Variants in LGR4 observed in about 807,000 individuals in gnomAD.
LGR4 encodes the protein leucine rich repeat containing G protein-coupled receptor 4, also known as leucine-rich repeat-containing G protein-coupled receptor 4.
Under a neutral mutation model 84.8 loss-of-function variants are expected in LGR4, and 44 were observed. That is an observed-to-expected ratio of 0.52 (90% CI 0.41 to 0.67). LGR4 has a LOEUF of 0.67. LGR4 is among the 30% of genes least tolerant of loss of function. The pLI is 0.00. For missense variants in LGR4, 1,032 were observed against 1,131.4 expected (o/e 0.91, Z 1.26); for synonymous variants, 429 against 434.3 (o/e 0.99, Z 0.15).
chr11:27,381,742 C>G (rs1716884516), intron 7 of LGR4, among the ~76,000 whole-genome samples: 1 of 152,070 alleles, frequency 6.6e-6, no homozygotes, highest in Admixed American at 6.6e-5. Flanking sequence ...CTCCCTCATT[C>G]CTGTGTTTAA....
chr11:27,450,904 C>A (rs888613714), intron 1 of LGR4, among the ~76,000 whole-genome samples: 1 of 152,280 alleles, frequency 6.6e-6, no homozygotes, highest in East Asian at 1.9e-4. Flanking sequence ...TCTTCATAAA[C>A]CTTTCAATTT....
chr11:27,385,736 T>C lies in LGR4; in HGVS notation c.402-268A>G, dbSNP rs142370718. Among the ~76,000 whole-genome samples the C allele has an allele frequency of 2.1e-4, 32 of 151,666 alleles. No individual in the cohort carries two copies. In the East Asian group the frequency reaches 3.5e-3, roughly 17 times the overall value. On this transcript the variant is annotated intron_variant, in intron 4 of 17. Coordinates refer to ENST00000379214, the MANE Select transcript of LGR4 (RefSeq NM_018490.5). ...GGCTTTTGGCTAAGAAGTAACTTTA[T>C]AGCAGAAAGATATATTTTTTAAAAA... is the stretch of plus-strand genomic sequence containing the variant.
intron 3 of LGR4, among the ~76,000 whole-genome samples, chr11:27,391,995 T>C (rs1222303114): frequency 6.6e-6 from 1 of 152,170 alleles, no homozygotes; most frequent in Non-Finnish European, 1.5e-5. Flanking sequence ...AAGAATTTAT[T>C]TCCTCACCAT....
chr11:27,372,412 T>C lies in LGR4; in HGVS notation c.1380-14A>G. ...ACTGATAAAGACCTGGAAAAAAAAG[T>C]TGTAAAATCTACACTGAACAGCAAC... On this transcript the variant is annotated splice_polypyrimidine_tract_variant and intron_variant, in intron 15 of 17. Transcript: ENST00000379214. The C allele has an allele frequency of 6.8e-7, 1 of 1,465,502 alleles. No individual in the cohort carries two copies. Among genetic ancestry groups the C allele is most frequent in the South Asian group, 1.1e-5 (1 of 87,962 alleles). The allele number at this position is 1,465,502 out of a possible 1,614,324, so 90.8% of individuals were successfully genotyped here.
At chr11:27,398,020 C>G (rs1479317097) in intron 2 of LGR4, among the ~76,000 whole-genome samples, 1 of 152,206 alleles carries the variant, frequency 6.6e-6, no homozygotes, top group Non-Finnish European at 1.5e-5. Flanking sequence ...GCTCAGTGTG[C>G]AATGTCTCTA....
intron 5 of LGR4, among the ~76,000 whole-genome samples, chr11:27,384,778 G>A (rs1246193176): frequency 2.0e-5 from 3 of 152,152 alleles, no homozygotes; most frequent in Non-Finnish European, 4.4e-5. Context: ...TAATGGTGTG[G>A]AGGAAGTGTG....
chr11:27,403,631 G>C (rs564532336), intron 2 of LGR4, among the ~76,000 whole-genome samples: 2 of 152,270 alleles, frequency 1.3e-5, no homozygotes, highest in Non-Finnish European at 2.9e-5. Context: ...TATAGTAGGA[G>C]TCTATTTTTT....
intron 2 of LGR4, among the ~76,000 whole-genome samples, chr11:27,402,304 G>A (rs973779146): frequency 2.6e-5 from 4 of 152,094 alleles, no homozygotes; most frequent in African/African-American, 4.8e-5. Context: ...AAATGAGAAC[G>A]CATTAGAAGG....
intron 1 of LGR4, among the ~76,000 whole-genome samples, chr11:27,425,906 C>T (rs1864016084): frequency 6.6e-6 from 1 of 152,162 alleles, no homozygotes; most frequent in Non-Finnish European, 1.5e-5. Flanking sequence ...CTGCTCTTCT[C>T]CCTGGACCCC....
chr11:27,369,090 C>A lies in LGR4; in HGVS notation c.1633G>T (p.Val545Leu), dbSNP rs1399237711. Residue 545 changes from valine to leucine, a missense_variant, in exon 18 of 18, where the codon GTG (valine) becomes TTG (leucine). Transcript: ENST00000379214. ...AATGCAACCAAGAAAATGAACCACA[C>A]AGTAAGACGAATCATCCAGCTTCCC... ...LLGSWMIRLT[V>L]WFIFLVALFF... 12 of 1,612,870 alleles carry A rather than the reference C, an allele frequency of 7.4e-6. No homozygotes were observed. Among genetic ancestry groups the A allele is most frequent in the Non-Finnish European group, 1.0e-5 (12 of 1,179,698 alleles).
At chr11:27,448,058 G>C (rs933148805) in intron 1 of LGR4, among the ~76,000 whole-genome samples, 1 of 152,100 alleles carries the variant, frequency 6.6e-6, no homozygotes, top group Admixed American at 6.6e-5. Flanking sequence ...CTGTAGCACT[G>C]TAAGAGTCAA....
rs1046569 is a variant in LGR4 at position 27,366,924 on chromosome 11, T to C, written c.*943A>G. The C allele has an allele frequency of 2.6e-5, 4 of 152,148 alleles. No homozygotes were observed. Among genetic ancestry groups the C allele is most frequent in the Non-Finnish European group, 2.9e-5 (2 of 67,992 alleles). The allele number at this position is 152,148 out of a possible 1,614,324, so 9.4% of individuals were successfully genotyped here. A position where few individuals can be genotyped will look rare whatever the true frequency, so the allele number is the denominator to read the frequency against. ...CCCGTTTCGTCTAATTAAATGCAAGTATTGACCACAGTTTACTTTCTATAT... is the reference window on the plus strand; with the variant it reads ...CCCGTTTCGTCTAATTAAATGCAAGCATTGACCACAGTTTACTTTCTATAT... On this transcript the variant is annotated 3_prime_UTR_variant, in exon 18 of 18. Coordinates refer to ENST00000379214, the MANE Select transcript of LGR4 (RefSeq NM_018490.5).
intron 1 of LGR4, among the ~76,000 whole-genome samples, chr11:27,446,088 T>G (rs1864384313): frequency 6.6e-6 from 1 of 152,110 alleles, no homozygotes; most frequent in African/African-American, 2.4e-5. Flanking sequence ...AGATGCTGAG[T>G]GAGAGTTGAT....
intron 1 of LGR4, among the ~76,000 whole-genome samples, chr11:27,443,682 C>A (rs1181648905): frequency 6.6e-6 from 1 of 152,094 alleles, no homozygotes; most frequent in Non-Finnish European, 1.5e-5. Flanking sequence ...ATTAAAATGA[C>A]CCTTTCATGA....
intron 6 of LGR4, 64 bp downstream of exon 6, chr11:27,384,272 A>C (rs988998222): frequency 9.6e-7 from 1 of 1,037,704 alleles, no homozygotes. Context: ...CTTTTTCTGC[A>C]GTGAAGTATA....
In LGR4 at chr11:27,368,921, G is replaced by A; in HGVS notation, c.1802C>T (p.Ser601Phe). ...GCCAAATTCAGCGAATCTGCCCCAG[G>A]ACACAGCATCAAGAAAAGTTAGGAT... ...TGILTFLDAV[S>F]WGRFAEFGIW... Residue 601 changes from serine (S) to phenylalanine (F), a missense_variant, in exon 18 of 18, where the codon TCC (serine) becomes TTC (phenylalanine). Transcript: ENST00000379214. The A allele has an allele frequency of 1.2e-6, 2 of 1,614,062 alleles. No homozygotes were observed. The highest frequency in any genetic ancestry group is 1.7e-6 in the Non-Finnish European group (2 of 1,179,990).
intron 1 of LGR4, among the ~76,000 whole-genome samples, chr11:27,442,318 T>C (rs1864317441): frequency 6.6e-6 from 1 of 152,134 alleles, no homozygotes; most frequent in African/African-American, 2.4e-5. Flanking sequence ...GGGGTGAAAA[T>C]GCCATCCAAA....
intron 1 of LGR4, among the ~76,000 whole-genome samples, chr11:27,450,051 G>A (rs1204737519): frequency 2.6e-5 from 4 of 152,198 alleles, no homozygotes; most frequent in Non-Finnish European, 5.9e-5. Context: ...TCTGATGAAT[G>A]TGATATTCTG....
chr11:27,439,096 A>G (rs1259292602), intron 1 of LGR4, among the ~76,000 whole-genome samples: 1 of 152,198 alleles, frequency 6.6e-6, no homozygotes, highest in East Asian at 1.9e-4. Context: ...AGATGTCGTG[A>G]TGGTAAATGG....
Sources: gnomAD v4.1 joint callset for allele counts (sites outside exome capture counted in the v4.1 genomes callset) on GRCh38, gnomAD v4.1.1 for gene constraint, MANE v1.5 for transcripts, NCBI Gene and HGNC (gene_info 2026-07-23, HGNC 2026-07-21) for gene names.